KIF15: variants seen among roughly 807,000 people sequenced by gnomAD.
KIF15 encodes the protein kinesin-like protein KIF15.
In KIF15, 140 loss-of-function variants were observed where a neutral mutation model predicts 190.6. The observed-to-expected ratio is 0.73, with a 90% CI of 0.64 to 0.84. The LOEUF is 0.84. KIF15 is among the 40% of genes least tolerant of loss of function. The pLI, the probability that KIF15 is intolerant of heterozygous loss-of-function variation, is 0.00. For synonymous variants in KIF15, 528 were observed against 551.3 expected (o/e 0.96, Z 0.59); for missense variants, 1,372 against 1,584.4 (o/e 0.87, Z 2.28).
intron 6 of KIF15, chr3:44,864,149 G>A: frequency 6.2e-7 from 1 of 1,610,332 alleles, no homozygotes; most frequent in South Asian, 1.1e-5. Context: ...GGGGTCTGCA[G>A]GTTGCTGCCC....
intron 26 of KIF15, 92 bp downstream of exon 26, chr3:44,831,110 G>C (rs781348647): frequency 7.3e-7 from 1 of 1,365,676 alleles, no homozygotes; most frequent in Non-Finnish European, 1.0e-6. Context: ...ATAAATACAG[G>C]ATTTTTAAAG....
Position 44,831,007 on chromosome 3 carries a change from G to T in KIF15, c.3160G>T (p.Glu1054Ter). 6.2e-7 allele frequency: 1 copy of T among 1,613,890 alleles called. No homozygotes were observed. Reference protein sequence around the residue: ...KETLRLRILSEDIERDMLCED... With the variant: ...KETLRLRILS The stretch of plus-strand genomic sequence containing the variant: ...AACCCTTAGGCTGAGAATACTTTCT[G>T]AGGACATAGAGGTAGGTATTAACGC... Residue 1054 changes from glutamate (E) to a stop codon, truncating the protein, a stop_gained, in exon 26 of 35, where the codon GAG (glutamate) becomes TAG (stop). Coordinates refer to ENST00000326047, the MANE Select transcript of KIF15 (RefSeq NM_020242.3). LOFTEE classifies it high-confidence loss of function.
intron 17 of KIF15, 119 bp from the exon 18 acceptor site, chr3:44,812,063 A>C: frequency 1.4e-6 from 1 of 703,238 alleles, no homozygotes. Flanking sequence ...ACCTTTGTTC[A>C]TATGAGGTTT....
At position 44,840,429 on chromosome 3, in the gene KIF15, G is replaced by A; in HGVS notation, c.3393G>A (p.Val1131=). The change falls in exon 28 of 35, where the codon GTG becomes GTA. Residue 1131 remains valine, a synonymous_variant. Coordinates refer to ENST00000326047, the MANE Select transcript of KIF15 (RefSeq NM_020242.3). ...TCAAAATGAGGCAACTAGAACATGT[G>A]ATGGATTCTGCTGCTGAGGATCCCC... ...YNFKMRQLEH[V]MDSAAEDPQS... 1 of 1,608,338 alleles carries A rather than the reference G, an allele frequency of 6.2e-7. No individual in the cohort carries two copies. Among genetic ancestry groups the A allele is most frequent in the Non-Finnish European group, 8.5e-7 (1 of 1,176,432 alleles).
At chr3:44,778,252 T>G in intron 4 of KIF15, 61 bp downstream of exon 4, 1 of 1,281,148 alleles carries the variant, frequency 7.8e-7, no homozygotes. Flanking sequence ...CTGTTGCTGT[T>G]GTAACAAATT....
rs1450199893 is a variant in KIF15 at position 44,775,245 on chromosome 3, T to C, written c.63-9T>C. On this transcript the variant is annotated splice_polypyrimidine_tract_variant and intron_variant, in intron 2 of 34. Coordinates refer to ENST00000326047, the MANE Select transcript of KIF15 (RefSeq NM_020242.3). ...AACTGAACTGTTACTTTCTTTTTTT[T>C]GTCTTTAGTAATGAAGGTGATGCCA... is the stretch of plus-strand genomic sequence containing the variant. 6.2e-7 allele frequency: 1 copy of C among 1,605,144 alleles called. No individual in the cohort carries two copies. Among genetic ancestry groups the C allele is most frequent in the Non-Finnish European group, 8.5e-7 (1 of 1,174,518 alleles).
At chr3:44,779,512 G>T (rs1706065601) in intron 4 of KIF15, among the ~76,000 whole-genome samples, 1 of 152,120 alleles carries the variant, frequency 6.6e-6, no homozygotes, top group African/African-American at 2.4e-5. Flanking sequence ...TCACTCTCAA[G>T]TGCCTGTTTG....
At chr3:44,809,281 T>G (rs1369204664) in intron 16 of KIF15, among the ~76,000 whole-genome samples, 1 of 152,258 alleles carries the variant, frequency 6.6e-6, no homozygotes, top group African/African-American at 2.4e-5. Context: ...GAAAAACTAT[T>G]GTTTTTTTAT....
In KIF15 at chr3:44,830,001, C is replaced by G; in HGVS notation, c.2974C>G (p.Gln992Glu). ...TGTAGCTGACCTCATGAACCAGATC[C>G]AGGAGCTAAGAACATCGGTCTGTGA... ...KVVADLMNQI[Q>E]ELRTSVCEKT... Residue 992 changes from glutamine to glutamate, a missense_variant, in exon 25 of 35, where the codon CAG (glutamine) becomes GAG (glutamate). Physicochemically the swap from Gln to Glu is conservative, Grantham distance 29. Transcript: ENST00000326047. The G allele has an allele frequency of 6.3e-7, 1 of 1,594,820 alleles. No individual in the cohort carries two copies. Among genetic ancestry groups the G allele is most frequent in the Non-Finnish European group, 8.5e-7 (1 of 1,172,288 alleles).
intron 31 of KIF15, 129 bp downstream of exon 31, chr3:44,848,186 T>C (rs1161843572): frequency 9.3e-6 from 6 of 643,974 alleles, no homozygotes; most frequent in Non-Finnish European, 1.6e-5. Context: ...TTCCACTGTT[T>C]AGCATGATAT....
rs1436800765 is a variant in KIF15, at chr3:44,797,926, T to A, written c.1068T>A (p.Phe356Leu). 6.2e-7 allele frequency: 1 copy of A among 1,613,596 alleles called. No homozygotes were observed. Among genetic ancestry groups the A allele is most frequent in the Admixed American group, 1.7e-5 (1 of 59,946 alleles). The change falls in exon 10 of 35, where the codon TTT becomes TTA. Residue 356 changes from phenylalanine (F) to leucine (L), a missense_variant. Transcript: ENST00000326047. Reference protein sequence around the residue: ...CFGETLSTLNFAQRAKLIKNK... With the variant: ...CFGETLSTLNLAQRAKLIKNK... ...GGGAAACCCTATCAACACTTAACTT[T>A]GCTCAAAGAGCCAAGCTGATTAAAA...
intron 5 of KIF15, among the ~76,000 whole-genome samples, chr3:44,782,866 C>G (rs1411685289): frequency 6.6e-6 from 1 of 152,082 alleles, no homozygotes; most frequent in Non-Finnish European, 1.5e-5. Flanking sequence ...TGGAGTTTTC[C>G]AGGATAAGGG....
intron 10 of KIF15, among the ~76,000 whole-genome samples, chr3:44,799,973 T>G (rs1432040276): frequency 6.6e-6 from 1 of 151,874 alleles, no homozygotes; most frequent in Non-Finnish European, 1.5e-5. Context: ...CTCTTCTCCA[T>G]TGGGAGGGTG....
At chr3:44,761,950 A>C (rs934026199) in intron 1 of KIF15, 66 bp downstream of exon 1, 122 of 1,605,234 alleles carry the variant, frequency 7.6e-5, no homozygotes, top group Non-Finnish European at 9.7e-5. Context: ...AAAGGATGGC[A>C]GCCTCGGACC....
rs1273654138 is a variant in KIF15 at position 44,838,347 on chromosome 3, C to T, written c.3244C>T (p.His1082Tyr). The change falls in exon 27 of 35, where the codon CAC (histidine) becomes TAC (tyrosine). Residue 1082 changes from histidine (H) to tyrosine (Y), a missense_variant. By Grantham distance (83) the His-to-Tyr change is moderately conservative (BLOSUM62 2). Coordinates refer to ENST00000326047, the MANE Select transcript of KIF15 (RefSeq NM_020242.3). ...CATGCTCACAGAGGCCTCAAAAAAA[C>T]ACTCGGGGCTGCTGCAGTCTGCCCA... Reference protein sequence around the residue: ...LNMLTEASKKHSGLLQSAQEE... With the variant: ...LNMLTEASKKYSGLLQSAQEE... 9.3e-6 allele frequency: 15 copies of T among 1,613,930 alleles called. No individual in the cohort carries two copies. The highest frequency in any genetic ancestry group is 1.3e-5 in the Non-Finnish European group (15 of 1,179,982).
chr3:44,809,050 C>T (rs1437236810), intron 16 of KIF15, among the ~76,000 whole-genome samples: 1 of 152,178 alleles, frequency 6.6e-6, no homozygotes, highest in Non-Finnish European at 1.5e-5. Context: ...GTGAGTCAAG[C>T]TGAAGCTCCC....
intron 3 of KIF15, among the ~76,000 whole-genome samples, chr3:44,777,777 G>T (rs1439148439): frequency 6.6e-6 from 1 of 152,188 alleles, no homozygotes; most frequent in Non-Finnish European, 1.5e-5. Flanking sequence ...AAAATAAAAT[G>T]GAGGTATTGA....
intron 7 of KIF15, among the ~76,000 whole-genome samples, chr3:44,790,976 C>A (rs75708831): frequency 1.3e-5 from 2 of 152,126 alleles, no homozygotes; most frequent in Admixed American, 6.6e-5. Context: ...CCACTGGGCC[C>A]GGCCCCTTCT....
chr3:44,785,743 A>G (rs191125888), intron 6 of KIF15, among the ~76,000 whole-genome samples: 1 of 152,364 alleles, frequency 6.6e-6, no homozygotes, highest in East Asian at 1.9e-4. Flanking sequence ...CGTTTGAAGA[A>G]CATAACACTT....
Sources: gnomAD v4.1 joint callset for allele counts (sites outside exome capture counted in the v4.1 genomes callset) on GRCh38, gnomAD v4.1.1 for gene constraint, MANE v1.5 for transcripts, NCBI Gene and HGNC (gene_info 2026-07-23, HGNC 2026-07-21) for gene names.